KAZN: variants seen among roughly 807,000 people sequenced by gnomAD.
KAZN encodes the protein kazrin, periplakin interacting protein.
In KAZN, 40 loss-of-function variants were observed where a neutral mutation model predicts 87.4. The observed-to-expected ratio is 0.46, with a 90% confidence interval of 0.36 to 0.60. The LOEUF is 0.60. Ranked by LOEUF, KAZN falls within the 20% of genes least tolerant of loss-of-function variation. The probability of loss-of-function intolerance (pLI) is 0.00; values close to 1 mark genes in which losing one functional copy is unlikely to be tolerated. For missense variants in KAZN, 898 were observed against 1,073.9 expected (o/e 0.84, Z 2.29); for synonymous variants, 466 against 458.3 (o/e 1.02, Z -0.22).
At chr1:14,745,583 T>C (rs982813114) in intron 1 of KAZN, among the ~76,000 whole-genome samples, 3 of 152,140 alleles carry the variant, frequency 2.0e-5, no homozygotes, top group Middle Eastern at 3.2e-3. Context: ...GTGCTCAGCA[T>C]TGGGGACCCA....
intron 2 of KAZN, among the ~76,000 whole-genome samples, chr1:14,414,262 G>C (rs1412530111): frequency 7.0e-6 from 1 of 142,332 alleles, no homozygotes; most frequent in East Asian, 2.1e-4. Context: ...CCATTTCTAA[G>C]AATATACGGA....
At chr1:15,052,799 C>G (rs1400505913) in intron 4 of KAZN, among the ~76,000 whole-genome samples, 1 of 152,184 alleles carries the variant, frequency 6.6e-6, no homozygotes, top group Admixed American at 6.5e-5. Flanking sequence ...CCACCCCATT[C>G]TGAAGGACCA....
intron 8 of KAZN, among the ~76,000 whole-genome samples, chr1:15,086,119 C>T (rs1362108457): frequency 1.3e-5 from 2 of 151,940 alleles, no homozygotes; most frequent in Non-Finnish European, 2.9e-5. Flanking sequence ...TACAGGCGCC[C>T]CCGACCACGC....
At chr1:14,867,724 A>T (rs866211169) in intron 1 of KAZN, among the ~76,000 whole-genome samples, 2 of 107,422 alleles carry the variant, frequency 1.9e-5, no homozygotes, top group Admixed American at 1.1e-4. Flanking sequence ...CTTTGAAGAC[A>T]CCCCCCCCCC....
chr1:14,987,893 A>G (rs1026773632), intron 2 of KAZN, among the ~76,000 whole-genome samples: 1 of 152,222 alleles, frequency 6.6e-6, no homozygotes, highest in African/African-American at 2.4e-5. Context: ...ATAGACACTC[A>G]GGCCAGGCTG....
intron 1 of KAZN, among the ~76,000 whole-genome samples, chr1:14,755,426 C>T (rs1408411144): frequency 1.3e-5 from 2 of 152,132 alleles, no homozygotes; most frequent in East Asian, 1.9e-4. Flanking sequence ...GAAAGCTTTA[C>T]TGTAAAAAAT....
At position 14,850,518 on chromosome 1, in the gene KAZN, C is replaced by T. The variant is rs898617590; in HGVS notation, c.227-110166C>T. Among the ~76,000 whole-genome samples, 4 of 152,210 alleles carry T rather than the reference C, an allele frequency of 2.6e-5. 1 individual carries two copies. The South Asian group carries it at 6.2e-4, about 24-fold the overall frequency. The stretch of plus-strand genomic sequence containing the variant: ...TTAGAGAGGTTAAGCAACTTGCCCA[C>T]GGTTACTCAGATAATAAGTACAGCA... On this transcript the variant is annotated intron_variant, in intron 1 of 14. Coordinates refer to ENST00000376030, the MANE Select transcript of KAZN (RefSeq NM_201628.3).
intron 2 of KAZN, among the ~76,000 whole-genome samples, chr1:14,245,624 A>G (rs1649428905): frequency 1.3e-5 from 2 of 152,210 alleles, no homozygotes; most frequent in Non-Finnish European, 2.9e-5. Flanking sequence ...TAGAATTGTT[A>G]GGTCACAGTC....
intron 2 of KAZN, among the ~76,000 whole-genome samples, chr1:14,983,520 G>C (rs956099200): frequency 1.4e-5 from 1 of 72,854 alleles, no homozygotes; most frequent in Non-Finnish European, 2.9e-5. Flanking sequence ...TGACCCCTGT[G>C]GGGGGAGCAA....
intron 1 of KAZN, among the ~76,000 whole-genome samples, chr1:14,623,845 GATAATTCTGTCTGTT>G (rs1343432199): frequency 1.3e-5 from 2 of 151,910 alleles, no homozygotes; most frequent in East Asian, 3.9e-4. Flanking sequence ...TTTTTTCACA[GATAATTCTGTCTGTT>G]ATTGATCTCT....
intron 2 of KAZN, among the ~76,000 whole-genome samples, chr1:14,324,881 A>G (rs1229066248): frequency 6.6e-6 from 1 of 152,210 alleles, no homozygotes; most frequent in African/African-American, 2.4e-5. Context: ...ACCTTATGGA[A>G]AATTAATGTA....
intron 1 of KAZN, among the ~76,000 whole-genome samples, chr1:14,697,151 A>C (rs887609089): frequency 7.0e-6 from 1 of 143,526 alleles, no homozygotes; most frequent in Non-Finnish European, 1.5e-5. Context: ...AAAAAAAAAA[A>C]AAAAAAGAAA....
At chr1:15,034,417 A>G (rs1370931259) in intron 2 of KAZN, among the ~76,000 whole-genome samples, 2 of 152,208 alleles carry the variant, frequency 1.3e-5, no homozygotes, top group Non-Finnish European at 2.9e-5. Flanking sequence ...TTCCTGAGCC[A>G]TGGGCCCCTG....
At chr1:14,508,256 C>T (rs757685476) in intron 2 of KAZN, among the ~76,000 whole-genome samples, 38 of 152,162 alleles carry the variant, frequency 2.5e-4, no homozygotes, top group African/African-American at 8.9e-4. Flanking sequence ...CTGGGCTCCA[C>T]GCTGGACTTG....
intron 1 of KAZN, among the ~76,000 whole-genome samples, chr1:14,897,591 A>G (rs1288162619): frequency 1.3e-5 from 2 of 151,192 alleles, no homozygotes; most frequent in African/African-American, 4.8e-5. Flanking sequence ...TATAAATAAC[A>G]TATTTTATGA....
chr1:14,046,917 G>A (rs972872725), intron 1 of KAZN, among the ~76,000 whole-genome samples: 3 of 152,182 alleles, frequency 2.0e-5, no homozygotes, highest in African/African-American at 4.8e-5. Context: ...AGGGACAATC[G>A]GAAGGCAATC....
intron 2 of KAZN, among the ~76,000 whole-genome samples, chr1:14,198,601 AAATAAT>A (rs1267410798): frequency 6.6e-6 from 1 of 152,220 alleles, no homozygotes; most frequent in African/African-American, 2.4e-5. Flanking sequence ...CTCTATCTCC[AAATAAT>A]AATAAGAAGA....
At chr1:14,858,786 T>C (rs1279048457) in intron 1 of KAZN, among the ~76,000 whole-genome samples, 3 of 152,208 alleles carry the variant, frequency 2.0e-5, no homozygotes, top group Non-Finnish European at 4.4e-5. Context: ...CTGGCTTGCA[T>C]TGAGAGACCT....
chr1:14,836,290 G>A (rs1421253741), intron 1 of KAZN, among the ~76,000 whole-genome samples: 2 of 152,168 alleles, frequency 1.3e-5, no homozygotes, highest in Non-Finnish European at 2.9e-5. Context: ...CAGGTCCCCA[G>A]GTCCCAAGCC....
Sources: gnomAD v4.1 joint callset for allele counts (sites outside exome capture counted in the v4.1 genomes callset) on GRCh38, gnomAD v4.1.1 for gene constraint, MANE v1.5 for transcripts, NCBI Gene and HGNC (gene_info 2026-07-23, HGNC 2026-07-21) for gene names.